Variants in BTBD9 observed in about 807,000 individuals in gnomAD.
BTBD9 encodes BTB/POZ domain-containing protein 9.
In BTBD9, 49 loss-of-function variants were observed where a neutral mutation model predicts 64.3. The observed-to-expected ratio is 0.76, with a 90% confidence interval of 0.61 to 0.97. The LOEUF (loss-of-function observed/expected upper bound fraction) is 0.97. Among genes scored for constraint, BTBD9 ranks in the 50% least tolerant of loss-of-function variants. The pLI is 0.00. For synonymous variants in BTBD9, 260 were observed against 274.7 expected (o/e 0.95, Z 0.53); for missense variants, 598 against 762.1 (o/e 0.78, Z 2.53).
intron 1 of BTBD9, among the ~76,000 whole-genome samples, chr6:38,603,510 G>A (rs1777327628): frequency 1.3e-5 from 2 of 152,182 alleles, no homozygotes; most frequent in African/African-American, 4.8e-5. Flanking sequence ...TGCCCCTTAA[G>A]GGGGAAAAAA....
At chr6:38,447,745 C>G (rs917244050) in intron 6 of BTBD9, among the ~76,000 whole-genome samples, 1 of 152,180 alleles carries the variant, frequency 6.6e-6, no homozygotes, top group Non-Finnish European at 1.5e-5. Flanking sequence ...TTCTTTTTCC[C>G]TATTCACCAG....
In BTBD9 at chr6:38,408,313, G is replaced by C. The variant is rs139443357; in HGVS notation, c.1155-63220C>G. ...TTCAAGTCTGCAGTGAGCTATAATC[G>C]TGACACTGCACTCCAGCAACAGAGC... On this transcript the variant is annotated intron_variant, in intron 6 of 10. Transcript: ENST00000481247. 1.9e-3 allele frequency among the ~76,000 whole-genome samples: 286 copies of C among 152,166 alleles called. 1 individual carries two copies. Among genetic ancestry groups the C allele is most frequent in the African/African-American group, 6.5e-3 (269 of 41,502 alleles).
At chr6:38,564,611 G>A (rs1180070609) in intron 6 of BTBD9, among the ~76,000 whole-genome samples, 1 of 151,880 alleles carries the variant, frequency 6.6e-6, no homozygotes, top group Admixed American at 6.6e-5. Flanking sequence ...CTATATGGCC[G>A]AGCACGGTGA....
intron 6 of BTBD9, chr6:38,482,602 G>A (rs1771207802): frequency 6.6e-6 from 1 of 152,114 alleles, no homozygotes; most frequent in Non-Finnish European, 1.5e-5. Flanking sequence ...TACTGATGTA[G>A]CTGTCATTCC....
At chr6:38,197,323 G>T (rs758821768) in intron 9 of BTBD9, among the ~76,000 whole-genome samples, 6 of 152,238 alleles carry the variant, frequency 3.9e-5, no homozygotes, top group Non-Finnish European at 8.8e-5. Flanking sequence ...GTCAGCAATA[G>T]AAGCCAGATT....
At chr6:38,559,335 A>G (rs1046511237) in intron 6 of BTBD9, among the ~76,000 whole-genome samples, 2 of 151,868 alleles carry the variant, frequency 1.3e-5, no homozygotes, top group Admixed American at 6.6e-5. Flanking sequence ...TCACACACAT[A>G]CAGGGAAAAA....
chr6:38,448,493 C>T (rs138464687), intron 6 of BTBD9, among the ~76,000 whole-genome samples: 9 of 152,200 alleles, frequency 5.9e-5, no homozygotes, highest in African/African-American at 1.4e-4. Flanking sequence ...GTTCCTATCC[C>T]GCTCTTTTTT....
chr6:38,605,439 T>G (rs934433032), intron 1 of BTBD9, among the ~76,000 whole-genome samples: 6 of 152,134 alleles, frequency 3.9e-5, no homozygotes, highest in African/African-American at 1.4e-4. Flanking sequence ...AATAAATAGG[T>G]GACTTGAGAG....
At chr6:38,405,252 G>A (rs1198223169) in intron 6 of BTBD9, among the ~76,000 whole-genome samples, 2 of 152,052 alleles carry the variant, frequency 1.3e-5, no homozygotes, top group Non-Finnish European at 1.5e-5. Context: ...TGTATCACTC[G>A]CTTTGAACCT....
chr6:38,553,918 G>A (rs928529697), intron 6 of BTBD9, among the ~76,000 whole-genome samples: 4 of 151,824 alleles, frequency 2.6e-5, no homozygotes, highest in Non-Finnish European at 4.4e-5. Flanking sequence ...TGGGTTCAAT[G>A]AATTTCTATA....
chr6:38,484,807 TA>T (rs1771323393), intron 6 of BTBD9, among the ~76,000 whole-genome samples: 1 of 152,244 alleles, frequency 6.6e-6, no homozygotes, highest in Non-Finnish European at 1.5e-5. Context: ...AAGTGAGTCA[TA>T]ACCTTTTTGC....
At chr6:38,551,486 C>T (rs60995541) in intron 6 of BTBD9, among the ~76,000 whole-genome samples, 12,477 of 152,184 alleles carry the variant, frequency 0.082, 594 homozygotes, top group Non-Finnish European at 0.096. Context: ...TTGTTTTAAT[C>T]CCTTTATATT....
chr6:38,342,176 G>A (rs1764128725), intron 7 of BTBD9, among the ~76,000 whole-genome samples: 2 of 152,032 alleles, frequency 1.3e-5, no homozygotes, highest in South Asian at 4.1e-4. Context: ...AACTAAAGGA[G>A]CCTGCACTAT....
At chr6:38,426,473 C>A (rs1768154558) in intron 6 of BTBD9, among the ~76,000 whole-genome samples, 1 of 151,968 alleles carries the variant, frequency 6.6e-6, no homozygotes, top group African/African-American at 2.4e-5. Context: ...CTTGCAACTG[C>A]ACTCTTCTGG....
chr6:38,590,470 A>C (rs1776747384), intron 4 of BTBD9, among the ~76,000 whole-genome samples: 1 of 152,232 alleles, frequency 6.6e-6, no homozygotes, highest in Non-Finnish European at 1.5e-5. Flanking sequence ...TCCTATGCCC[A>C]GTGAAAAGAA....
chr6:38,488,421 T>G (rs1771553043), intron 6 of BTBD9, among the ~76,000 whole-genome samples: 1 of 152,190 alleles, frequency 6.6e-6, no homozygotes, highest in African/African-American at 2.4e-5. Context: ...GGTTTAGAGC[T>G]GCAAGGAACC....
chr6:38,243,725 A>G (rs1764088134), intron 9 of BTBD9, among the ~76,000 whole-genome samples: 2 of 152,202 alleles, frequency 1.3e-5, no homozygotes, highest in South Asian at 4.1e-4. Context: ...AATGACAATG[A>G]TGAGTTTAGT....
chr6:38,617,110 G>C (rs1483552887), intron 1 of BTBD9, among the ~76,000 whole-genome samples: 5 of 152,156 alleles, frequency 3.3e-5, no homozygotes, highest in Non-Finnish European at 7.3e-5. Context: ...TAAAGACACG[G>C]GTGTCAGGCT....
intron 6 of BTBD9, among the ~76,000 whole-genome samples, chr6:38,525,993 C>T (rs1265643750): frequency 1.3e-5 from 2 of 152,186 alleles, no homozygotes; most frequent in Non-Finnish European, 2.9e-5. Context: ...AAGCTGGCTG[C>T]AGAAATTTGC....
Sources: allele counts gnomAD v4.1 joint callset (sites outside exome capture counted in the v4.1 genomes callset), GRCh38; gene constraint gnomAD v4.1.1; transcripts MANE v1.5; gene names NCBI Gene and HGNC (gene_info 2026-07-23, HGNC 2026-07-21).